Variants in CFAP263 observed in about 807,000 individuals in gnomAD.
CFAP263 encodes the protein cilia and flagella associated protein 263.
At chr16:58,280,353 G>C in the CFAP263 span, 1 of 1,614,174 alleles carries the variant, frequency 6.2e-7, no homozygotes. Flanking sequence ...CATAGTATAA[G>C]GGTTGTACAG....
chr16:58,275,213 A>G, the CFAP263 span, among the ~76,000 whole-genome samples: 1 of 152,174 alleles, frequency 6.6e-6, no homozygotes, highest in African/African-American at 2.4e-5. Flanking sequence ...CAAACCAATT[A>G]CCTGGGGATC....
At chr16:58,252,236 A>G in the CFAP263 span, among the ~76,000 whole-genome samples, 1 of 152,214 alleles carries the variant, frequency 6.6e-6, no homozygotes, top group East Asian at 1.9e-4. Context: ...CAGGCATGGC[A>G]TTGTGCACCT....
At chr16:58,253,627 T>A in the CFAP263 span, among the ~76,000 whole-genome samples, 1 of 152,162 alleles carries the variant, frequency 6.6e-6, no homozygotes. Flanking sequence ...CTGAACACAG[T>A]CCCCCACGGA....
chr16:58,261,029 T>A, the CFAP263 span, among the ~76,000 whole-genome samples: 1 of 152,114 alleles, frequency 6.6e-6, no homozygotes, highest in Non-Finnish European at 1.5e-5. Context: ...CTTTCTCTAC[T>A]CTGTCTGAGC....
At chr16:58,261,666 C>T in the CFAP263 span, among the ~76,000 whole-genome samples, 2 of 152,182 alleles carry the variant, frequency 1.3e-5, no homozygotes, top group Non-Finnish European at 2.9e-5. Context: ...AATGGTTGTA[C>T]TGGGGCTTAA....
At chr16:58,252,223 A>G in the CFAP263 span, among the ~76,000 whole-genome samples, 2 of 152,266 alleles carry the variant, frequency 1.3e-5, no homozygotes, top group South Asian at 4.1e-4. Context: ...ATTATAAATT[A>G]GCCAGGCATG....
At chr16:58,267,528 T>C in the CFAP263 span, 3 of 1,613,904 alleles carry the variant, frequency 1.9e-6, no homozygotes, top group Non-Finnish European at 2.5e-6. Flanking sequence ...GACAAGGAGA[T>C]CTTGCTGAGA....
the CFAP263 span, chr16:58,281,359 C>T: frequency 6.4e-6 from 1 of 156,522 alleles, no homozygotes; most frequent in Non-Finnish European, 1.4e-5. Context: ...AAGGTGGGAA[C>T]ACAGTTAATG....
chr16:58,254,327 G>C, the CFAP263 span, among the ~76,000 whole-genome samples: 2 of 152,248 alleles, frequency 1.3e-5, no homozygotes, highest in South Asian at 4.2e-4. Context: ...TGCTTGTGGG[G>C]ACAACACATT....
the CFAP263 span, chr16:58,258,435 A>G: frequency 6.2e-7 from 1 of 1,614,008 alleles, no homozygotes; most frequent in Non-Finnish European, 8.5e-7. Context: ...TTTGAAAAAG[A>G]TATTCTAAAA....
At chr16:58,282,342 T>C in the CFAP263 span, 1 of 152,314 alleles carries the variant, frequency 6.6e-6, no homozygotes, top group Non-Finnish European at 1.5e-5. Context: ...GGTTTCACGA[T>C]GTTGGCCAGG....
At chr16:58,261,608 G>A in the CFAP263 span, among the ~76,000 whole-genome samples, 1 of 152,206 alleles carries the variant, frequency 6.6e-6, no homozygotes, top group Non-Finnish European at 1.5e-5. Flanking sequence ...CAGAGAGAGG[G>A]ATCACCCTCT....
chr16:58,253,910 C>A, the CFAP263 span: 2 of 1,419,728 alleles, frequency 1.4e-6, no homozygotes, highest in Non-Finnish European at 2.0e-6. Flanking sequence ...GAACTTCTAG[C>A]AGGTCAGAGG....
chr16:58,255,061 G>T, the CFAP263 span, among the ~76,000 whole-genome samples: 150 of 152,262 alleles, frequency 9.9e-4, no homozygotes, highest in Non-Finnish European at 1.6e-3. Context: ...CCACGCAATC[G>T]ATCGGCTGTC....
At chr16:58,256,554 GA>G in the CFAP263 span, among the ~76,000 whole-genome samples, 1 of 152,208 alleles carries the variant, frequency 6.6e-6, no homozygotes, top group East Asian at 1.9e-4. Flanking sequence ...GCTGCTTTAG[GA>G]AGTCAGGTTG....
chr16:58,254,060 C>A, the CFAP263 span: 2 of 1,614,074 alleles, frequency 1.2e-6, no homozygotes, highest in African/African-American at 2.7e-5. Flanking sequence ...GCCTGACTGC[C>A]GACCAAAAAC....
the CFAP263 span, chr16:58,278,598 G>C: frequency 2.5e-6 from 4 of 1,614,102 alleles, no homozygotes; most frequent in East Asian, 2.2e-5. Flanking sequence ...ACCTGGAGAA[G>C]AGCATCAGGA....
chr16:58,276,734 A>G, the CFAP263 span, among the ~76,000 whole-genome samples: 1 of 152,362 alleles, frequency 6.6e-6, no homozygotes, highest in Non-Finnish European at 1.5e-5. Flanking sequence ...GTTTATTGTA[A>G]TAGCAAGAGA....
the CFAP263 span, among the ~76,000 whole-genome samples, chr16:58,262,734 A>C: frequency 7.7e-6 from 1 of 129,922 alleles, no homozygotes; most frequent in Non-Finnish European, 1.7e-5. Context: ...TTTCTTTAAA[A>C]AACAAACAAA....
Sources: gnomAD v4.1 joint callset for allele counts (sites outside exome capture counted in the v4.1 genomes callset) on GRCh38, gnomAD v4.1.1 for gene constraint, MANE v1.5 for transcripts, NCBI Gene and HGNC (gene_info 2026-07-23, HGNC 2026-07-21) for gene names.